The following ASAH2 variants were observed in gnomAD, a reference collection of about 807,000 sequenced individuals.
ASAH2 encodes N-acylsphingosine amidohydrolase 2, also known as neutral ceramidase.
ASAH2 carries 58 observed loss-of-function variants against 82.9 expected under a neutral mutation model. That is an observed-to-expected ratio of 0.70 (90% CI 0.57 to 0.87). ASAH2 has a LOEUF of 0.87. ASAH2 is among the 40% of genes least tolerant of loss of function. The probability of loss-of-function intolerance (pLI) is 0.00; values close to 1 mark genes in which losing one functional copy is unlikely to be tolerated. For synonymous variants in ASAH2, 276 were observed against 289.7 expected (o/e 0.95, Z 0.48); for missense variants, 779 against 834.0 (o/e 0.93, Z 0.81).
At chr10:50,250,410 C>T (rs924392624) in intron 1 of ASAH2, among the ~76,000 whole-genome samples, 3 of 152,106 alleles carry the variant, frequency 2.0e-5, no homozygotes, top group Non-Finnish European at 4.4e-5. Flanking sequence ...ACCATAATGC[C>T]CTTAACCACC....
chr10:50,201,403 C>A (rs1449714981), intron 16 of ASAH2, among the ~76,000 whole-genome samples: 1 of 152,080 alleles, frequency 6.6e-6, no homozygotes, highest in African/African-American at 2.4e-5. Flanking sequence ...GGCACCCATA[C>A]CTAGATACTG....
chr10:50,210,272 G>A (rs905861116), intron 12 of ASAH2, among the ~76,000 whole-genome samples: 10 of 152,002 alleles, frequency 6.6e-5, no homozygotes, highest in African/African-American at 1.7e-4. Context: ...AGGCTGAGGC[G>A]GGCGGATCAC....
rs947112920 is a variant in ASAH2 at position 50,219,233 on chromosome 10, C to T, written c.894-603G>A. Reference sequence around the variant, plus strand: ...GTAAAAGAGGATGTTAGGCATAATTCAGTATATCCTTATGCCTAGTAATAC... The same window carrying T: ...GTAAAAGAGGATGTTAGGCATAATTTAGTATATCCTTATGCCTAGTAATAC... On this transcript the variant is annotated intron_variant, in intron 7 of 20. Coordinates refer to ENST00000682911, the MANE Select transcript of ASAH2 (RefSeq NM_019893.4). Among the ~76,000 whole-genome samples, 4 of 152,328 alleles carry T rather than the reference C, an allele frequency of 2.6e-5. No homozygotes were observed. The South Asian group carries it at 8.3e-4, about 32-fold the overall frequency.
intron 9 of ASAH2, among the ~76,000 whole-genome samples, chr10:50,213,966 C>T (rs1845530516): frequency 6.6e-6 from 1 of 152,110 alleles, no homozygotes. Flanking sequence ...AAAGTAGCAT[C>T]TACTGCTCAT....
At chr10:50,207,740 A>G (rs1427575705) in intron 12 of ASAH2, among the ~76,000 whole-genome samples, 15 of 151,848 alleles carry the variant, frequency 9.9e-5, no homozygotes, top group Admixed American at 9.8e-4. Context: ...TCCACCAACC[A>G]AAGAATTAGT....
rs909055355 is a variant in ASAH2 at position 50,231,017 on chromosome 10, G to A, written c.893+2167C>T. On this transcript the variant is annotated intron_variant, in intron 7 of 20. Coordinates refer to ENST00000682911, the MANE Select transcript of ASAH2 (RefSeq NM_019893.4). Reference sequence around the variant, plus strand: ...GATCACGCCATTGCTCTCCAGCCTAGGCAGCAGAGCAAAAGCTTGTCTCAG... The same window carrying A: ...GATCACGCCATTGCTCTCCAGCCTAAGCAGCAGAGCAAAAGCTTGTCTCAG... Among the ~76,000 whole-genome samples, 535 of 150,426 alleles carry A rather than the reference G, an allele frequency of 3.6e-3. 1 individual carries two copies. Among genetic ancestry groups the A allele is most frequent in the Non-Finnish European group, 6.2e-3 (422 of 67,756 alleles).
chr10:50,237,446 T>C (rs1160097339), intron 4 of ASAH2, among the ~76,000 whole-genome samples: 1 of 152,196 alleles, frequency 6.6e-6, no homozygotes, highest in Non-Finnish European at 1.5e-5. Context: ...AGTGATTACA[T>C]ATGACTTGTT....
chr10:50,248,392 A>G, intron 2 of ASAH2, 92 bp downstream of exon 2: 2 of 1,480,594 alleles, frequency 1.4e-6, no homozygotes, highest in Non-Finnish European at 9.2e-7. Context: ...TAGAACTATC[A>G]GCAGACACTG....
chr10:50,205,518 C>A (rs1475783309), intron 13 of ASAH2, among the ~76,000 whole-genome samples: 3 of 151,822 alleles, frequency 2.0e-5, no homozygotes, highest in African/African-American at 7.2e-5. Context: ...CTGAAATGAC[C>A]TTTTGACATT....
chr10:50,243,078 T>C (rs1378068879), intron 4 of ASAH2, 124 bp downstream of exon 4: 5 of 1,110,968 alleles, frequency 4.5e-6, no homozygotes, highest in Non-Finnish European at 6.6e-6. Flanking sequence ...CCAGAGCGTA[T>C]AATATTGAAG....
At chr10:50,211,487 G>A (rs1409680886) in intron 10 of ASAH2, among the ~76,000 whole-genome samples, 4 of 152,166 alleles carry the variant, frequency 2.6e-5, no homozygotes, top group Admixed American at 1.3e-4. Flanking sequence ...GCTAGAGTGA[G>A]AGTGTATCTT....
At chr10:50,247,037 G>C (rs1846476364) in intron 2 of ASAH2, among the ~76,000 whole-genome samples, 1 of 152,160 alleles carries the variant, frequency 6.6e-6, no homozygotes, top group Non-Finnish European at 1.5e-5. Flanking sequence ...GCTCAACATA[G>C]AAACCATTTA....
At chr10:50,243,153 C>T (rs753993126) in intron 4 of ASAH2, 49 bp downstream of exon 4, 102 of 1,603,194 alleles carry the variant, frequency 6.4e-5, no homozygotes, top group Admixed American at 1.0e-4. Context: ...ACCCACTTTT[C>T]CTTAAACCAT....
intron 16 of ASAH2, among the ~76,000 whole-genome samples, chr10:50,201,138 CA>C (rs1229350630): frequency 6.6e-6 from 1 of 152,006 alleles, no homozygotes; most frequent in Non-Finnish European, 1.5e-5. Context: ...AGCCAAACTC[CA>C]GGGGAAGATC....
intron 4 of ASAH2, among the ~76,000 whole-genome samples, chr10:50,242,476 A>G (rs894068330): frequency 2.6e-5 from 4 of 152,204 alleles, no homozygotes; most frequent in Non-Finnish European, 5.9e-5. Context: ...TCTCACATTC[A>G]TGAATGTTAG....
intron 1 of ASAH2, among the ~76,000 whole-genome samples, chr10:50,249,249 A>T (rs1862557839): frequency 6.6e-6 from 1 of 152,228 alleles, no homozygotes; most frequent in African/African-American, 2.4e-5. Flanking sequence ...GGCAGGCATT[A>T]CAAAAAACAT....
At chr10:50,232,171 C>T (rs1846036075) in intron 7 of ASAH2, among the ~76,000 whole-genome samples, 1 of 152,064 alleles carries the variant, frequency 6.6e-6, no homozygotes, top group East Asian at 1.9e-4. Context: ...TAATGTTTTT[C>T]TTCACCACTT....
intron 12 of ASAH2, 66 bp downstream of exon 12, chr10:50,210,757 G>C: frequency 7.8e-7 from 1 of 1,283,942 alleles, no homozygotes; most frequent in Admixed American, 1.7e-5. Context: ...AATGAAACCT[G>C]ATCAGAGAAC....
At chr10:50,221,532 C>A (rs1845742599) in intron 7 of ASAH2, among the ~76,000 whole-genome samples, 1 of 152,096 alleles carries the variant, frequency 6.6e-6, no homozygotes, top group Non-Finnish European at 1.5e-5. Flanking sequence ...TCATTATCTT[C>A]ATTCTGCAAC....
Sources: allele counts gnomAD v4.1 joint callset (sites outside exome capture counted in the v4.1 genomes callset), GRCh38; gene constraint gnomAD v4.1.1; transcripts MANE v1.5; gene names NCBI Gene and HGNC (gene_info 2026-07-23, HGNC 2026-07-21).